The following DHTKD1 variants were observed in gnomAD, a reference collection of about 807,000 sequenced individuals.
DHTKD1 encodes the protein 2-oxoadipate dehydrogenase complex component E1.
In DHTKD1, 78 loss-of-function variants were observed where a neutral mutation model predicts 101.8. The observed-to-expected ratio is 0.77, with a 90% CI of 0.64 to 0.93. The LOEUF (loss-of-function observed/expected upper bound fraction) is 0.93. Among genes scored for constraint, DHTKD1 ranks in the 40% least tolerant of loss-of-function variants. The pLI is 0.00. For missense variants in DHTKD1, 1,223 were observed against 1,161.7 expected, an observed-to-expected ratio of 1.05 and a Z score of -0.77; for synonymous variants, 462 against 450.3, an observed-to-expected ratio of 1.03 and a Z score of -0.33.
chr10:12,116,262 A>C (rs1170917996), intron 13 of DHTKD1: 1 of 151,978 alleles, frequency 6.6e-6, no homozygotes, highest in African/African-American at 2.4e-5. Flanking sequence ...GGCACCAGGC[A>C]AAAGGTAATC....
intron 1 of DHTKD1, among the ~76,000 whole-genome samples, chr10:12,077,419 G>GTTTCACCATGTGGGCCAGGC (rs1193757576): frequency 2.0e-5 from 3 of 152,060 alleles, no homozygotes; most frequent in African/African-American, 7.2e-5. Context: ...TAGAGACAGG[G>GTTTCACCATGTGGGCCAGGC]TTTCACCATG....
rs553177363 is a variant in DHTKD1 at position 12,113,652 on chromosome 10, A to G, written c.2319+588A>G. Among the ~76,000 whole-genome samples the G allele has an allele frequency of 9.2e-5, 14 of 152,276 alleles. No homozygotes were observed. The South Asian group carries it at 1.0e-3, about 11-fold the overall frequency. On this transcript the variant is annotated intron_variant, in intron 13 of 16. Transcript: ENST00000263035. ...AAGCTTTTAGGCTATTAGGCTGGGC[A>G]TGGTGGCTCATGCCTATAATTCCAG...
intron 7 of DHTKD1, among the ~76,000 whole-genome samples, chr10:12,096,503 C>T (rs1349234883): frequency 6.6e-6 from 1 of 152,114 alleles, no homozygotes; most frequent in Non-Finnish European, 1.5e-5. Context: ...CTCCCGCCTC[C>T]ACCTCCTGAG....
At chr10:12,081,818 T>A (rs1832824757) in intron 2 of DHTKD1, among the ~76,000 whole-genome samples, 191 bp downstream of exon 2, 1 of 152,064 alleles carries the variant, frequency 6.6e-6, no homozygotes, top group African/African-American at 2.4e-5. Context: ...GAGGCCTGTT[T>A]TCTCAAGGTT....
chr10:12,083,552 T>A (rs553012134), intron 2 of DHTKD1, among the ~76,000 whole-genome samples: 220 of 152,234 alleles, frequency 1.4e-3, no homozygotes, highest in South Asian at 4.8e-3. Context: ...CTGGCCAAGA[T>A]GGTGAAACCC....
intron 10 of DHTKD1, among the ~76,000 whole-genome samples, chr10:12,105,866 G>C (rs1160367606): frequency 1.3e-5 from 2 of 152,118 alleles, no homozygotes; most frequent in African/African-American, 4.8e-5. Context: ...GGGCCAAGGT[G>C]GGTGGATCAC....
Position 12,120,177 on chromosome 10 carries a change from C to T in DHTKD1, c.2573-5C>T, listed in dbSNP as rs745534981. 5.0e-6 allele frequency: 8 copies of T among 1,611,846 alleles called. No homozygotes were observed. Among genetic ancestry groups the T allele is most frequent in the South Asian group, 4.4e-5 (4 of 91,006 alleles). On this transcript the variant is annotated splice_region_variant and splice_polypyrimidine_tract_variant and intron_variant, in intron 15 of 16. Transcript: ENST00000263035. Reference sequence around the variant, plus strand: ...GAGGTGCTGAAAGAATTTCTTCTCTCATAGATCATATTTGGAGTCAGGAGG... The same window carrying T: ...GAGGTGCTGAAAGAATTTCTTCTCTTATAGATCATATTTGGAGTCAGGAGG...
chr10:12,069,049 G>A lies in DHTKD1; in HGVS notation c.16G>A (p.Ala6Thr). The A allele has an allele frequency of 6.2e-7, 1 of 1,613,220 alleles. No homozygotes were observed. The highest frequency in any genetic ancestry group is 8.5e-7 in the Non-Finnish European group (1 of 1,179,630). Residue 6 changes from alanine (A) to threonine (T), a missense_variant, in exon 1 of 17, where the codon GCG becomes ACG. By Grantham distance (58) the Ala-to-Thr change is moderately conservative. Coordinates refer to ENST00000263035, the MANE Select transcript of DHTKD1 (RefSeq NM_018706.7). MASAT[A>T]AAARRGLGRA... ...TCTGGTGAACATGGCCTCTGCTACT[G>A]CGGCAGCAGCACGACGGGGCCTCGG...
intron 1 of DHTKD1, among the ~76,000 whole-genome samples, chr10:12,079,825 A>G (rs574273793): frequency 5.3e-5 from 8 of 152,342 alleles, no homozygotes; most frequent in African/African-American, 1.4e-4. Flanking sequence ...TTAGCAATTT[A>G]TAGGACTAAC....
At chr10:12,084,047 C>G (rs528352855) in intron 2 of DHTKD1, among the ~76,000 whole-genome samples, 1 of 151,854 alleles carries the variant, frequency 6.6e-6, no homozygotes, top group Non-Finnish European at 1.5e-5. Context: ...CTCAGCCTCT[C>G]GAGTAGCTGG....
intron 10 of DHTKD1, 64 bp from the exon 11 acceptor site, chr10:12,106,182 G>T (rs368157130): frequency 1.9e-6 from 3 of 1,571,078 alleles, no homozygotes; most frequent in African/African-American, 2.7e-5. Flanking sequence ...CGATAAGTTC[G>T]CAGGAGCCCA....
At chr10:12,078,098 A>G (rs543882677) in intron 1 of DHTKD1, among the ~76,000 whole-genome samples, 1 of 152,166 alleles carries the variant, frequency 6.6e-6, no homozygotes, top group Non-Finnish European at 1.5e-5. Context: ...ATTCTAGTGT[A>G]TCATTAGCAG....
rs995123652 is a variant in DHTKD1, at chr10:12,094,228, G to C, written c.1315G>C (p.Asp439His). Residue 439 changes from aspartate to histidine, a missense_variant, in exon 7 of 17, where the codon GAT (aspartate) becomes CAT (histidine). By Grantham distance (81) the Asp-to-His change is moderately conservative. Coordinates refer to ENST00000263035, the MANE Select transcript of DHTKD1 (RefSeq NM_018706.7). ...CYRQWGHNEL[D>H]EPFYTNPIMY... Reference sequence around the variant, plus strand: ...CAGGCAGTGGGGCCACAATGAGCTGGATGAGCCATTCTACACCAACCCCAT... The same window carrying C: ...CAGGCAGTGGGGCCACAATGAGCTGCATGAGCCATTCTACACCAACCCCAT... The C allele has an allele frequency of 1.5e-5, 25 of 1,614,030 alleles. No individual in the cohort carries two copies. Among genetic ancestry groups the C allele is most frequent in the Non-Finnish European group, 2.0e-5 (24 of 1,180,048 alleles).
In DHTKD1 at chr10:12,107,635, C is replaced by G. The variant is rs1400800972; in HGVS notation, c.2048-274C>G. Among the ~76,000 whole-genome samples, 1 of 151,720 alleles carries G rather than the reference C, an allele frequency of 6.6e-6. No homozygotes were observed. The highest frequency in any genetic ancestry group is 2.0e-4 in the East Asian group (1 of 5,092). ...GTTTCACCATGTTGGCCAGGCTGGT[C>G]TCGAACACCTGACCTCAAGTGATCT... On this transcript the variant is annotated intron_variant, in intron 11 of 16. Transcript: ENST00000263035. This position sits in a 1 kb window ranked among gnomAD's most constrained non-coding sequence, Gnocchi z 4.1.
At chr10:12,086,041 T>C (rs543673708) in intron 3 of DHTKD1, among the ~76,000 whole-genome samples, 32 of 152,024 alleles carry the variant, frequency 2.1e-4, no homozygotes, top group African/African-American at 6.5e-4. Context: ...AGCTAATTTT[T>C]GTATTTTTAG....
At chr10:12,088,934 G>T in intron 4 of DHTKD1, 52 bp from the exon 5 acceptor site, 1 of 1,521,382 alleles carries the variant, frequency 6.6e-7, no homozygotes, top group South Asian at 1.2e-5. Flanking sequence ...TTCTTCCCTA[G>T]ACTCCATTGT....
At chr10:12,086,759 C>G (rs1467457417) in intron 3 of DHTKD1, among the ~76,000 whole-genome samples, 1 of 152,150 alleles carries the variant, frequency 6.6e-6, no homozygotes, top group Non-Finnish European at 1.5e-5. Context: ...GGCACGATCT[C>G]GGCTCACTGC....
Position 12,089,094 on chromosome 10 carries a change from C to T in DHTKD1, c.826C>T (p.His276Tyr). Residue 276 changes from histidine (H) to tyrosine (Y), a missense_variant, in exon 5 of 17, where the codon CAC (histidine) becomes TAC (tyrosine). His to Tyr is a moderately conservative substitution (Grantham distance 83, BLOSUM62 2). Coordinates refer to ENST00000263035, the MANE Select transcript of DHTKD1 (RefSeq NM_018706.7). ...CTCTGTGGACCTGTACTTTGGGGCGCACCATCCCCTCCATGTGACAATGTT... is the reference window on the plus strand; with the variant it reads ...CTCTGTGGACCTGTACTTTGGGGCGTACCATCCCCTCCATGTGACAATGTT... ...TSSVDLYFGA[H>Y]HPLHVTMLPN... 1 of 1,614,196 alleles carries T rather than the reference C, an allele frequency of 6.2e-7. No homozygotes were observed. Among genetic ancestry groups the T allele is most frequent in the Non-Finnish European group, 8.5e-7 (1 of 1,180,042 alleles).
At chr10:12,069,252 T>G in intron 1 of DHTKD1, 65 bp downstream of exon 1, 1 of 1,095,028 alleles carries the variant, frequency 9.1e-7, no homozygotes, top group Non-Finnish European at 1.1e-6. Context: ...CTGGCCGATT[T>G]GCGGTGGGGT....
Sources: gnomAD v4.1 joint callset for allele counts (sites outside exome capture counted in the v4.1 genomes callset) on GRCh38, gnomAD v4.1.1 for gene constraint, Gnocchi (gnomAD v3.1) non-coding constraint, MANE v1.5 for transcripts, NCBI Gene and HGNC (gene_info 2026-07-23, HGNC 2026-07-21) for gene names.